BAHCC1: variants seen among roughly 807,000 people sequenced by gnomAD.
BAHCC1 encodes BAH and coiled-coil domain-containing protein 1.
A neutral mutation model predicts 88.2 loss-of-function variants in BAHCC1; 43 were observed. That is an observed-to-expected ratio of 0.49 (90% CI 0.38 to 0.63). BAHCC1 has a LOEUF of 0.63. BAHCC1 is among the 20% of genes least tolerant of loss of function. BAHCC1 has a pLI of 0.00. For missense variants in BAHCC1, 3,023 were observed against 1,654.8 expected, an observed-to-expected ratio of 1.83 and a Z score of -14.34; for synonymous variants, 1,510 against 745.5, an observed-to-expected ratio of 2.03 and a Z score of -16.71.
chr17:81,449,092 C>T (rs1033773446), intron 11 of BAHCC1, among the ~76,000 whole-genome samples: 30 of 152,188 alleles, frequency 2.0e-4, no homozygotes, highest in African/African-American at 6.8e-4. Flanking sequence ...GCCTGCAGGA[C>T]AGGAGCCCGT....
chr17:81,460,935 G>A lies in BAHCC1; in HGVS notation c.6272G>A (p.Arg2091His), dbSNP rs201236281. The A allele has an allele frequency of 1.2e-3, 934 of 770,176 alleles. 6 individuals are homozygous for A. Among genetic ancestry groups the A allele is most frequent in the African/African-American group, 8.8e-3 (523 of 59,276 alleles). The allele number at this position is 770,176 out of a possible 1,614,324, so 47.7% of individuals were successfully genotyped here. Residue 2091 changes from arginine (R) to histidine (H), a missense_variant, in exon 26 of 28, where the codon CGT becomes CAT. Transcript: ENST00000675386. Reference sequence around the variant, plus strand: ...GCCTCCGACCACTTCCTGGGCCGCCGTGGCAGCCCCTTGCTGAGCTGGTCC... The same window carrying A: ...GCCTCCGACCACTTCCTGGGCCGCCATGGCAGCCCCTTGCTGAGCTGGTCC... ...TGASDHFLGRRGSPLLSWSAV... is the reference protein window; with the variant it reads ...TGASDHFLGRHGSPLLSWSAV...
At position 81,460,283 on chromosome 17, in the gene BAHCC1, C is replaced by T. The variant is rs1178991621; in HGVS notation, c.5912C>T (p.Ser1971Phe). Residue 1971 changes from serine (S) to phenylalanine (F), a missense_variant, in exon 24 of 28, where the codon TCC becomes TTC. Coordinates refer to ENST00000675386, the MANE Select transcript of BAHCC1 (RefSeq NM_001377448.1). Reference sequence around the variant, plus strand: ...TCAGGTGTGCCGTCCACAGGGGCCTCCGGTGACGAAGATGAGGACCTGGAC... The same window carrying T: ...TCAGGTGTGCCGTCCACAGGGGCCTTCGGTGACGAAGATGAGGACCTGGAC... The part of the protein sequence containing the change: ...LYPGNVVRGA[S>F]GDEDEDLDSV... 1 of 770,506 alleles carries T rather than the reference C, an allele frequency of 1.3e-6. No individual in the cohort carries two copies. Among genetic ancestry groups the T allele is most frequent in the Non-Finnish European group, 2.4e-6 (1 of 413,698 alleles). 47.7% of individuals were successfully genotyped at this position (770,506 alleles called of 1,614,324 possible).
chr17:81,398,014 T>C (rs782445185), intron 1 of BAHCC1, among the ~76,000 whole-genome samples: 1 of 152,212 alleles, frequency 6.6e-6, no homozygotes, highest in Non-Finnish European at 1.5e-5. Flanking sequence ...CCATAAAATA[T>C]CGCAATTTAA....
intron 2 of BAHCC1, chr17:81,402,532 T>A (rs570522095): frequency 6.6e-6 from 1 of 152,350 alleles, no homozygotes; most frequent in African/African-American, 2.4e-5. Flanking sequence ...TTTTCCTGGA[T>A]GGCTTCAGTC....
rs1336853042 is a variant in BAHCC1, at chr17:81,447,053, C to G, written c.3181C>G (p.Leu1061Val). The stretch of plus-strand genomic sequence containing the variant: ...CTTTGCAGACCTGCCTCCCGGATAC[C>G]TGCGCCCCATGGCTGGCCTGGGCTT... ...TSEPDLPPGY[L>V]RPMAGLGFSL... The change falls in exon 11 of 28, where the codon CTG (leucine) becomes GTG (valine). Residue 1061 changes from leucine to valine, a missense_variant. Leu to Val is a conservative substitution (Grantham distance 32, BLOSUM62 1). Transcript: ENST00000675386. 43 of 779,262 alleles carry G rather than the reference C, an allele frequency of 5.5e-5. No individual in the cohort carries two copies. The highest frequency in any genetic ancestry group is 1.2e-4 in the African/African-American group (7 of 59,138). 48.3% of individuals were successfully genotyped at this position (779,262 alleles called of 1,614,324 possible).
chr17:81,411,514 GCCTTCCTTCCTTCCTTCCTTCCTTCCTT>G lies in BAHCC1; in HGVS notation c.178+11630_178+11657del, dbSNP rs781952131. On this transcript the variant is annotated intron_variant, in intron 2 of 27. Coordinates refer to ENST00000675386, the MANE Select transcript of BAHCC1 (RefSeq NM_001377448.1). This position sits in a 1 kb window ranked among gnomAD's most constrained non-coding sequence, Gnocchi z 6.2. The stretch of plus-strand genomic sequence containing the variant: ...TGCCTGCCTGCCTGCCTGCCTGCCT[GCCTTCCTTCCTTCCTTCCTTCCTTCCTT>G]CCTTCCTTCCTTCCTTCCTTCCTTC... 2.4e-4 allele frequency: 45 copies of G among 185,840 alleles called. No individual in the cohort carries two copies. The highest frequency in any genetic ancestry group is 1.4e-3 in the South Asian group (43 of 31,648). 11.5% of individuals were successfully genotyped at this position (185,840 alleles called of 1,614,324 possible).
Position 81,456,762 on chromosome 17 carries a change from C to A in BAHCC1, c.4858+177C>A, listed in dbSNP as rs550474289. On this transcript the variant is annotated intron_variant, in intron 16 of 27. Coordinates refer to ENST00000675386, the MANE Select transcript of BAHCC1 (RefSeq NM_001377448.1). ...GCTGGGGAAGGAGATGAAGGTCTCA[C>A]GGAAGGAGACCCCCATCCCCAGGCA... is the stretch of plus-strand genomic sequence containing the variant. Among the ~76,000 whole-genome samples the A allele has an allele frequency of 2.0e-5, 3 of 152,184 alleles. No individual in the cohort carries two copies. The East Asian group carries it at 5.8e-4, about 29-fold the overall frequency.
intron 1 of BAHCC1, chr17:81,396,427 C>T (rs1015806763): frequency 3.3e-5 from 5 of 152,080 alleles, no homozygotes; most frequent in Non-Finnish European, 5.9e-5. Context: ...TGGTTTTCTT[C>T]GGGCGCGGGG....
At chr17:81,414,106 G>A (rs1046494848) in intron 2 of BAHCC1, among the ~76,000 whole-genome samples, 7 of 152,202 alleles carry the variant, frequency 4.6e-5, no homozygotes, top group South Asian at 4.1e-4. Flanking sequence ...GCCCTGACCC[G>A]TGCCAAGGAG....
chr17:81,463,432 T>G (rs782014477), intron 27 of BAHCC1, among the ~76,000 whole-genome samples, 179 bp from the exon 28 acceptor site: 81 of 152,294 alleles, frequency 5.3e-4, no homozygotes, highest in South Asian at 1.4e-3. Flanking sequence ...CCTCGGCCTC[T>G]GGACAGACAG....
intron 14 of BAHCC1, among the ~76,000 whole-genome samples, chr17:81,453,636 G>T (rs978525026): frequency 9.9e-5 from 15 of 151,948 alleles, no homozygotes; most frequent in Non-Finnish European, 1.9e-4. Context: ...GTCTCCTGGG[G>T]GGGGGTCTCC....
chr17:81,405,536 T>G (rs781868646), intron 2 of BAHCC1, among the ~76,000 whole-genome samples: 7 of 152,002 alleles, frequency 4.6e-5, no homozygotes, highest in Non-Finnish European at 7.4e-5. Context: ...GCCTTCTAAC[T>G]CCCAAAGGAC....
At chr17:81,462,627 C>G (rs2030400923) in intron 26 of BAHCC1, 113 bp from the exon 27 acceptor site, 2 of 634,910 alleles carry the variant, frequency 3.2e-6, no homozygotes, top group South Asian at 3.6e-5. Context: ...GCCCTGCACA[C>G]TCACACTCAG....
chr17:81,440,130 G>A (rs1397355496), intron 4 of BAHCC1, among the ~76,000 whole-genome samples: 1 of 152,178 alleles, frequency 6.6e-6, no homozygotes, highest in Non-Finnish European at 1.5e-5. Flanking sequence ...CCACACCCCA[G>A]CTCCTGTGGA....
Position 81,458,899 on chromosome 17 carries a change from A to G in BAHCC1, c.5535A>G (p.Glu1845=), listed in dbSNP as rs781953262. 3.9e-6 allele frequency: 3 copies of G among 774,160 alleles called. No homozygotes were observed. In the South Asian group the frequency reaches 4.0e-5, roughly 10 times the overall value. 48.0% of individuals were successfully genotyped at this position (774,160 alleles called of 1,614,324 possible). Residue 1845 remains glutamate, a synonymous_variant, in exon 20 of 28, where the codon GAA becomes GAG. Transcript: ENST00000675386. ...TCGACGACAACAGCAGCTTCTCGGAAGAGGAGGAGGACGAGGAGGAAGAGG... is the reference window on the plus strand; with the variant it reads ...TCGACGACAACAGCAGCTTCTCGGAGGAGGAGGAGGACGAGGAGGAAGAGG... The part of the protein sequence containing the change: ...FEFDDNSSFS[E]EEEDEEEEEE...
rs1278814562 is a variant in BAHCC1, at chr17:81,435,391, C to G, written c.359-2979C>G. ...AGTAGCAGGGGCAGGATGTGGGGAC[C>G]TCGGTGCGACCCCCACTGCCCCCAG... is the stretch of plus-strand genomic sequence containing the variant. On this transcript the variant is annotated intron_variant, in intron 3 of 27. Transcript: ENST00000675386. The surrounding 1 kb of genome is among the most constrained non-coding windows in gnomAD (Gnocchi z 4.4). 3 of 465,358 alleles carry G rather than the reference C, an allele frequency of 6.4e-6. No individual in the cohort carries two copies. Among genetic ancestry groups the G allele is most frequent in the Non-Finnish European group, 1.3e-5 (3 of 226,440 alleles). The allele number at this position is 465,358 out of a possible 1,614,324, so 28.8% of individuals were successfully genotyped here. A position where few individuals can be genotyped will look rare whatever the true frequency, so the allele number is the denominator to read the frequency against.
At position 81,442,823 on chromosome 17, in the gene BAHCC1, G is replaced by A. The variant is rs375834153; in HGVS notation, c.1474G>A (p.Gly492Ser). ...GLPKSGLDKSGYFELPTSSQD... is the reference protein window; with the variant it reads ...GLPKSGLDKSSYFELPTSSQD... The stretch of plus-strand genomic sequence containing the variant: ...CCCTAAAAGCGGTCTGGACAAAAGC[G>A]GCTACTTCGAGTTGCCCACCTCTTC... Residue 492 changes from glycine to serine, a missense_variant, in exon 5 of 28, where the codon GGC becomes AGC. By Grantham distance (56) the Gly-to-Ser change is moderately conservative. Coordinates refer to ENST00000675386, the MANE Select transcript of BAHCC1 (RefSeq NM_001377448.1). 5.4e-5 allele frequency: 42 copies of A among 779,442 alleles called. No individual in the cohort carries two copies. The highest frequency in any genetic ancestry group is 1.0e-4 in the Admixed American group (6 of 59,012). The allele number at this position is 779,442 out of a possible 1,614,324, so 48.3% of individuals were successfully genotyped here.
intron 2 of BAHCC1, chr17:81,415,623 C>T (rs782053582): frequency 8.1e-6 from 4 of 495,522 alleles, no homozygotes; most frequent in African/African-American, 3.9e-5. Context: ...TTTTGGGAGT[C>T]GGGCTCTTGG....
intron 11 of BAHCC1, among the ~76,000 whole-genome samples, chr17:81,450,841 G>C (rs560604706): frequency 6.6e-6 from 1 of 152,178 alleles, no homozygotes. Context: ...CCAGGAGTTC[G>C]AGGTTGCAGT....
Sources: allele counts gnomAD v4.1 joint callset (sites outside exome capture counted in the v4.1 genomes callset), GRCh38; gene constraint gnomAD v4.1.1; non-coding constraint Gnocchi (gnomAD v3.1); transcripts MANE v1.5; gene names NCBI Gene and HGNC (gene_info 2026-07-23, HGNC 2026-07-21).